Variants in DZANK1 observed in about 807,000 individuals in gnomAD.
DZANK1 encodes the protein double zinc ribbon and ankyrin repeat-containing protein 1.
DZANK1 carries 91 observed loss-of-function variants against 94.5 expected under a neutral mutation model. That is an observed-to-expected ratio of 0.96 (90% CI 0.81 to 1.15). The LOEUF is 1.15. DZANK1 is among the 50% of genes most tolerant of loss of function. DZANK1 has a pLI of 0.00. For synonymous variants in DZANK1, 312 were observed against 325.3 expected, an observed-to-expected ratio of 0.96 and a Z score of 0.44; for missense variants, 903 against 916.4, an observed-to-expected ratio of 0.99 and a Z score of 0.19.
At chr20:18,435,548 G>A (rs1034825487) in intron 8 of DZANK1, among the ~76,000 whole-genome samples, 1 of 152,078 alleles carries the variant, frequency 6.6e-6, no homozygotes, top group Non-Finnish European at 1.5e-5. Context: ...TGAACAATGA[G>A]AACACATGGA....
In DZANK1 at chr20:18,414,599, C is replaced by T. The variant is rs887164889; in HGVS notation, c.1078-87G>A. The T allele has an allele frequency of 2.6e-5, 37 of 1,445,272 alleles. 1 individual carries two copies. The Admixed American group carries it at 5.8e-4, about 23-fold the overall frequency. 89.5% of individuals were successfully genotyped at this position (1,445,272 alleles called of 1,614,324 possible). ...TCATACCATACAAATTAACATATGC[C>T]CAGACTCTCTGACCCAGCCATTCTA... is the stretch of plus-strand genomic sequence containing the variant. On this transcript the variant is annotated intron_variant, in intron 11 of 20. Coordinates refer to ENST00000262547, the Ensembl canonical transcript of DZANK1.
At chr20:18,394,266 T>C in exon 16 of DZANK1, 2 of 1,613,556 alleles carry the variant, frequency 1.2e-6, no homozygotes, top group East Asian at 2.2e-5. Context: ...CAGCTGGACC[T>C]GCTGCCGCAC....
intron 10 of DZANK1, 65 bp from the exon 11 acceptor site, chr20:18,415,514 C>CA: frequency 7.6e-7 from 1 of 1,314,960 alleles, no homozygotes; most frequent in Non-Finnish European, 9.8e-7. Flanking sequence ...CCTCCCAATT[C>CA]AAAAAAGATA....
chr20:18,435,289 G>C (rs527857639), intron 8 of DZANK1, among the ~76,000 whole-genome samples: 1 of 152,170 alleles, frequency 6.6e-6, no homozygotes, highest in East Asian at 1.9e-4. Flanking sequence ...TTAAATATAA[G>C]AGAAAGGAAA....
intron 8 of DZANK1, among the ~76,000 whole-genome samples, chr20:18,434,875 C>CCCT (rs2058455864): frequency 6.6e-6 from 1 of 152,064 alleles, no homozygotes; most frequent in South Asian, 2.1e-4. Context: ...ACCAGTGGTC[C>CCCT]CCTAGTCTGA....
intron 2 of DZANK1, among the ~76,000 whole-genome samples, chr20:18,461,784 G>A (rs2059482847): frequency 6.6e-6 from 1 of 152,074 alleles, no homozygotes; most frequent in Non-Finnish European, 1.5e-5. Context: ...ATTTTTAGTA[G>A]AGACGGGGTT....
intron 6 of DZANK1, 57 bp from the exon 7 acceptor site, chr20:18,449,126 A>C (rs1417569554): frequency 3.6e-6 from 5 of 1,393,162 alleles, no homozygotes; most frequent in Non-Finnish European, 5.1e-6. Context: ...TAACATGGTA[A>C]AGGCTATGGT....
At chr20:18,391,160 C>T (rs548089628) in intron 17 of DZANK1, among the ~76,000 whole-genome samples, 4 of 152,286 alleles carry the variant, frequency 2.6e-5, no homozygotes, top group Non-Finnish European at 5.9e-5. Flanking sequence ...AACTACACTC[C>T]AGCCTGGGCA....
At chr20:18,391,326 T>C (rs1341174321) in intron 17 of DZANK1, among the ~76,000 whole-genome samples, 3 of 152,094 alleles carry the variant, frequency 2.0e-5, no homozygotes, top group Non-Finnish European at 2.9e-5. Context: ...CTCCGTCTCA[T>C]AGGTTTCAGC....
chr20:18,440,348 C>T (rs1050934783), intron 8 of DZANK1, among the ~76,000 whole-genome samples: 4 of 152,136 alleles, frequency 2.6e-5, no homozygotes, highest in Admixed American at 1.3e-4. Flanking sequence ...TTATAGCCAC[C>T]GCAGCTGCAT....
intron 8 of DZANK1, among the ~76,000 whole-genome samples, chr20:18,437,499 A>C (rs2148652812): frequency 6.6e-6 from 1 of 152,264 alleles, no homozygotes; most frequent in South Asian, 2.1e-4. Flanking sequence ...GAATCACTTG[A>C]ACCCAGGAGG....
intron 13 of DZANK1, among the ~76,000 whole-genome samples, chr20:18,409,580 A>AC (rs1555858862): frequency 2.0e-4 from 27 of 138,356 alleles, no homozygotes; most frequent in African/African-American, 4.4e-4. Flanking sequence ...ACACACACAC[A>AC]CACCACCACC....
chr20:18,392,778 T>A (rs2148202216), intron 17 of DZANK1, among the ~76,000 whole-genome samples: 1 of 147,736 alleles, frequency 6.8e-6, no homozygotes, highest in South Asian at 2.2e-4. Flanking sequence ...AGATGAAATC[T>A]GACAGGGAAA....
intron 9 of DZANK1, chr20:18,432,921 C>T (rs780918923): frequency 3.9e-5 from 6 of 152,162 alleles, no homozygotes; most frequent in South Asian, 2.1e-4. Flanking sequence ...AGTGATGATA[C>T]ATAACTTTTT....
intron 6 of DZANK1, among the ~76,000 whole-genome samples, chr20:18,450,260 C>T (rs539595931): frequency 1.3e-5 from 2 of 152,058 alleles, no homozygotes; most frequent in Admixed American, 1.3e-4. Context: ...CCACATCTAA[C>T]ATGGCCTAGG....
chr20:18,421,923 T>C (rs1426474287), intron 10 of DZANK1, among the ~76,000 whole-genome samples: 3 of 152,202 alleles, frequency 2.0e-5, no homozygotes, highest in Non-Finnish European at 2.9e-5. Context: ...TTACTTACTA[T>C]TGAGTTGTTT....
At chr20:18,385,885 G>C (rs2048458610) in intron 19 of DZANK1, among the ~76,000 whole-genome samples, 4 of 152,176 alleles carry the variant, frequency 2.6e-5, no homozygotes, top group Admixed American at 2.0e-4. Context: ...GCAATGCCAG[G>C]GTTTCTCTCC....
chr20:18,405,543 T>C (rs951779179), intron 13 of DZANK1, among the ~76,000 whole-genome samples: 1 of 152,116 alleles, frequency 6.6e-6, no homozygotes, highest in Non-Finnish European at 1.5e-5. Flanking sequence ...AAAAAAATAT[T>C]TGAAGAGATG....
intron 13 of DZANK1, among the ~76,000 whole-genome samples, chr20:18,407,417 C>T (rs936159423): frequency 2.0e-5 from 3 of 152,218 alleles, no homozygotes; most frequent in African/African-American, 4.8e-5. Flanking sequence ...GTCCAAGTCC[C>T]TTCGAATACC....
Sources: allele counts gnomAD v4.1 joint callset (sites outside exome capture counted in the v4.1 genomes callset), GRCh38; gene constraint gnomAD v4.1.1; transcripts MANE v1.5; gene names NCBI Gene and HGNC (gene_info 2026-07-23, HGNC 2026-07-21).